TRERF1: variants seen among roughly 807,000 people sequenced by gnomAD.
The protein encoded by TRERF1 is transcriptional-regulating factor 1.
Under a neutral mutation model 122.9 loss-of-function variants are expected in TRERF1, and 27 were observed. The ratio of observed to expected loss-of-function variants is 0.22; its 90% confidence interval spans 0.16 to 0.30. The LOEUF is 0.30. Among genes scored for constraint, TRERF1 ranks in the 10% least tolerant of loss-of-function variants. The probability of loss-of-function intolerance (pLI) is 1.00; values close to 1 mark genes in which losing one functional copy is unlikely to be tolerated. For missense variants in TRERF1, 1,248 were observed against 1,560.3 expected (o/e 0.80, Z 3.37); for synonymous variants, 636 against 641.7 (o/e 0.99, Z 0.13).
intron 3 of TRERF1, among the ~76,000 whole-genome samples, chr6:42,331,998 G>A (rs568301463): frequency 2.0e-5 from 3 of 152,224 alleles, no homozygotes; most frequent in East Asian, 1.9e-4. Context: ...GCTACAGTAC[G>A]GTGGTGTGAT....
intron 17 of TRERF1, among the ~76,000 whole-genome samples, chr6:42,230,028 G>T (rs1770194781): frequency 6.6e-6 from 1 of 152,118 alleles, no homozygotes; most frequent in African/African-American, 2.4e-5. Flanking sequence ...GCGTGCCCAG[G>T]TGTGAGACTG....
In TRERF1 at chr6:42,315,118, C is replaced by T. The variant is rs138083599; in HGVS notation, c.-370-14369G>A. ...GGTGGGATGAGGCAGCGTGGTAGGA[C>T]GGGGTCTCCATTATGTAGGGTAGTG... On this transcript the variant is annotated intron_variant, in intron 3 of 17. Coordinates refer to ENST00000372922, the Ensembl canonical transcript of TRERF1. Among the ~76,000 whole-genome samples the T allele has an allele frequency of 5.4e-3, 814 of 152,100 alleles. 6 individuals carry two copies. Among genetic ancestry groups the T allele is most frequent in the African/African-American group, 0.019 (784 of 41,470 alleles).
Position 42,268,428 on chromosome 6 carries a change from T to C in TRERF1, c.1163A>G (p.His388Arg). 2 of 1,564,150 alleles carry C rather than the reference T, an allele frequency of 1.3e-6. No individual in the cohort carries two copies. Residue 388 changes from histidine (H) to arginine (R), a missense_variant, in exon 5 of 18, where the codon CAC (histidine) becomes CGC (arginine). Around this residue, in one of 5 missense-constraint regions of TRERF1, gnomAD observed 946 missense variants for 1,073.0 expected, o/e 0.88. Transcript: ENST00000372922. The surrounding 1 kb of genome is among the most constrained non-coding windows in gnomAD (Gnocchi z 4.4). ...CAGGTGGCTCTGCTGGTAGAGGGGG[T>C]GGCTGTAGGGCTGCTGGGGCTCCTG...
In TRERF1 at chr6:42,303,651, C is replaced by T. The variant is rs987869662; in HGVS notation, c.-370-2902G>A. Among the ~76,000 whole-genome samples the T allele has an allele frequency of 2.0e-5, 3 of 152,092 alleles. No individual in the cohort carries two copies. In the South Asian group the frequency reaches 6.2e-4, roughly 32 times the overall value. On this transcript the variant is annotated intron_variant, in intron 3 of 17. Transcript: ENST00000372922. ...AGGTTTGGCTGCGCACAGTGGGTCC[C>T]ACCTGTAATCCCAGCATTTTGGGAG...
chr6:42,322,312 A>T (rs1170568818), intron 3 of TRERF1, among the ~76,000 whole-genome samples: 1 of 152,144 alleles, frequency 6.6e-6, no homozygotes, highest in Admixed American at 6.5e-5. Flanking sequence ...GTAAAATTAA[A>T]GCACATTATT....
At chr6:42,262,109 A>C (rs74605914) in intron 8 of TRERF1, among the ~76,000 whole-genome samples, 2,138 of 152,144 alleles carry the variant, frequency 0.014, 48 homozygotes, top group African/African-American at 0.048. Context: ...TTCCCTGGGC[A>C]AAGAGGGAGC....
intron 2 of TRERF1, among the ~76,000 whole-genome samples, chr6:42,383,504 C>T (rs1776297675): frequency 6.6e-6 from 1 of 152,122 alleles, no homozygotes; most frequent in Non-Finnish European, 1.5e-5. Context: ...CGTGTTCAAC[C>T]CACCAGGAGG....
chr6:42,305,741 G>C (rs752767876), intron 3 of TRERF1, among the ~76,000 whole-genome samples: 1 of 152,066 alleles, frequency 6.6e-6, no homozygotes, highest in Non-Finnish European at 1.5e-5. Context: ...GAAGAAAAAG[G>C]AACAGGGGGA....
chr6:42,277,965 A>AGAAGAAGAC (rs1561895412), intron 4 of TRERF1, among the ~76,000 whole-genome samples: 1 of 146,632 alleles, frequency 6.8e-6, no homozygotes, highest in African/African-American at 2.6e-5. Context: ...AAGAAGAAGA[A>AGAAGAAGAC]GAAGAAGAAG....
intron 3 of TRERF1, among the ~76,000 whole-genome samples, chr6:42,302,307 C>A (rs1016104124): frequency 2.6e-5 from 4 of 152,164 alleles, no homozygotes; most frequent in African/African-American, 9.7e-5. Context: ...CCTTTAACTG[C>A]CTATTTCCTT....
chr6:42,402,361 G>A lies in TRERF1; in HGVS notation c.-453-39282C>T, dbSNP rs181360853. Among the ~76,000 whole-genome samples, 12 of 152,290 alleles carry A rather than the reference G, an allele frequency of 7.9e-5. No individual in the cohort carries two copies. The East Asian group carries it at 1.7e-3, about 22-fold the overall frequency. On this transcript the variant is annotated intron_variant, in intron 2 of 17. Coordinates refer to ENST00000372922, the Ensembl canonical transcript of TRERF1. ...ATCTATTGCAGCCACCATAGGTACC[G>A]CTAATGTAATAAGCTGAAGTTTGTT...
intron 2 of TRERF1, among the ~76,000 whole-genome samples, chr6:42,423,437 C>T (rs879863263): frequency 2.0e-5 from 3 of 152,148 alleles, no homozygotes; most frequent in African/African-American, 4.8e-5. Context: ...ACCGAGAAGG[C>T]CCCATCACCC....
Position 42,386,813 on chromosome 6 carries a change from T to C in TRERF1, c.-453-23734A>G, listed in dbSNP as rs78150072. On this transcript the variant is annotated intron_variant, in intron 2 of 17. Transcript: ENST00000372922. ...AGCCCAGTGCTGAGACACTGCTCTCTCTGAGGATGAGATGCGCAGCAACTA... is the reference window on the plus strand; with the variant it reads ...AGCCCAGTGCTGAGACACTGCTCTCCCTGAGGATGAGATGCGCAGCAACTA... Among the ~76,000 whole-genome samples, 155 of 152,330 alleles carry C rather than the reference T, an allele frequency of 1.0e-3. 2 individuals carry two copies. The East Asian group carries it at 0.025, about 25-fold the overall frequency.
At chr6:42,265,985 G>T (rs1015671517) in intron 5 of TRERF1, among the ~76,000 whole-genome samples, 188 bp from the exon 6 acceptor site, 4 of 151,964 alleles carry the variant, frequency 2.6e-5, no homozygotes, top group Middle Eastern at 3.4e-3. Context: ...TCCCTGAATT[G>T]CTCCTTGACT....
intron 13 of TRERF1, among the ~76,000 whole-genome samples, chr6:42,249,691 A>G (rs1244802090): frequency 1.3e-5 from 2 of 152,138 alleles, no homozygotes; most frequent in African/African-American, 4.8e-5. Flanking sequence ...TCCCATTCCA[A>G]GGGATACAGG....
chr6:42,404,026 G>A (rs1045205136), intron 2 of TRERF1, among the ~76,000 whole-genome samples: 10 of 151,992 alleles, frequency 6.6e-5, no homozygotes, highest in South Asian at 2.1e-4. Context: ...GTGCCTCTCC[G>A]GCCACTCACC....
intron 4 of TRERF1, among the ~76,000 whole-genome samples, chr6:42,280,030 C>T (rs1256158155): frequency 6.6e-6 from 1 of 152,098 alleles, no homozygotes; most frequent in African/African-American, 2.4e-5. Context: ...CTCCTGCCTG[C>T]GTTTCAGACA....
intron 8 of TRERF1, among the ~76,000 whole-genome samples, chr6:42,260,015 T>C (rs1281338314): frequency 1.3e-5 from 2 of 152,068 alleles, no homozygotes; most frequent in African/African-American, 4.8e-5. Flanking sequence ...CTTTATTGCT[T>C]ATCACTACAT....
At chr6:42,320,656 C>T (rs116784910) in intron 3 of TRERF1, among the ~76,000 whole-genome samples, 1 of 152,068 alleles carries the variant, frequency 6.6e-6, no homozygotes, top group African/African-American at 2.4e-5. Flanking sequence ...ATTACAGGCG[C>T]CCGCCACAAC....
Sources: gnomAD v4.1 joint callset for allele counts (sites outside exome capture counted in the v4.1 genomes callset) on GRCh38, gnomAD v4.1.1 for gene constraint, gnomAD v4.1.1 regional missense constraint, Gnocchi (gnomAD v3.1) non-coding constraint, MANE v1.5 for transcripts, NCBI Gene and HGNC (gene_info 2026-07-23, HGNC 2026-07-21) for gene names.